Variants in SLC5A10 observed in about 807,000 individuals in gnomAD.
SLC5A10 encodes solute carrier family 5 member 10.
Under a neutral mutation model 68.9 loss-of-function variants are expected in SLC5A10, and 55 were observed. The ratio of observed to expected loss-of-function variants is 0.80; its 90% confidence interval spans 0.64 to 1.00. The LOEUF (loss-of-function observed/expected upper bound fraction) is 1.00. SLC5A10 is among the 50% of genes least tolerant of loss of function. The pLI is 0.00. For synonymous variants in SLC5A10, 344 were observed against 344.8 expected, an observed-to-expected ratio of 1.00 and a Z score of 0.02; for missense variants, 732 against 819.3, an observed-to-expected ratio of 0.89 and a Z score of 1.30.
chr17:19,020,285 T>G (rs1252901742), intron 14 of SLC5A10, 40 bp from the exon 15 acceptor site: 1 of 1,613,540 alleles, frequency 6.2e-7, no homozygotes, highest in Non-Finnish European at 8.5e-7. Flanking sequence ...TGTAACCTTG[T>G]GTCCTTCATC....
intron 8 of SLC5A10, among the ~76,000 whole-genome samples, chr17:18,973,884 G>T (rs868536893): frequency 1.0e-4 from 10 of 95,720 alleles, no homozygotes; most frequent in East Asian, 9.4e-4. Flanking sequence ...TTTTTTTTAA[G>T]TTTTTTTTTT....
intron 9 of SLC5A10, among the ~76,000 whole-genome samples, chr17:18,984,763 C>T (rs2043227681): frequency 6.6e-6 from 1 of 152,240 alleles, no homozygotes; most frequent in Non-Finnish European, 1.5e-5. Flanking sequence ...CAAAAGCAGC[C>T]AAGTCATGCG....
chr17:19,009,349 G>T (rs1054870806), intron 9 of SLC5A10, among the ~76,000 whole-genome samples: 5 of 149,966 alleles, frequency 3.3e-5, no homozygotes, highest in Admixed American at 2.6e-4. Context: ...GAACCACCAC[G>T]CTAATTTTAA....
chr17:19,011,640 G>C (rs1012852044), intron 9 of SLC5A10, among the ~76,000 whole-genome samples: 3 of 151,996 alleles, frequency 2.0e-5, no homozygotes, highest in Non-Finnish European at 4.4e-5. Context: ...GGCCCCAGAC[G>C]GGAGGGGGAA....
chr17:18,969,944 G>GCTCA (rs1289540583), intron 7 of SLC5A10: 1 of 153,174 alleles, frequency 6.5e-6, no homozygotes, highest in Non-Finnish European at 1.5e-5. Context: ...GAGAGCGTGA[G>GCTCA]CTCACCGTCC....
At chr17:18,999,399 G>A (rs1272437586) in intron 9 of SLC5A10, among the ~76,000 whole-genome samples, 1 of 152,210 alleles carries the variant, frequency 6.6e-6, no homozygotes. Context: ...TGCTTCTCCA[G>A]GGAATGGGAG....
chr17:18,980,361 C>A (rs537399907), intron 9 of SLC5A10, among the ~76,000 whole-genome samples: 76 of 152,052 alleles, frequency 5.0e-4, no homozygotes, highest in Non-Finnish European at 9.9e-4. Context: ...ACTGTTTGGC[C>A]CAGGAGCAGG....
intron 10 of SLC5A10, 92 bp from the exon 11 acceptor site, chr17:19,014,953 TGGCG>T: frequency 6.9e-7 from 1 of 1,446,174 alleles, no homozygotes; most frequent in Non-Finnish European, 9.5e-7. Context: ...AGCATGCAAA[TGGCG>T]GGCGGGCCTC....
intron 5 of SLC5A10, among the ~76,000 whole-genome samples, chr17:18,961,683 C>T (rs886617601): frequency 6.6e-6 from 1 of 152,158 alleles, no homozygotes; most frequent in Non-Finnish European, 1.5e-5. Context: ...CCTCGCTGGT[C>T]AGCCAGGAGC....
At chr17:18,958,588 G>A (rs922676338) in intron 1 of SLC5A10, 94 bp from the exon 2 acceptor site, 11 of 1,043,988 alleles carry the variant, frequency 1.1e-5, no homozygotes, top group African/African-American at 3.1e-5. Flanking sequence ...GATTCTATGC[G>A]TAACCTTTTG....
rs2044265597 is a variant in SLC5A10, at chr17:19,021,616, G to A, written c.*1185G>A. Reference sequence around the variant, plus strand: ...GGGTTCCTTAGGTTGAGCCTCCAGTGGGTGAAACCTGGGAGTCCTCAACCT... The same window carrying A: ...GGGTTCCTTAGGTTGAGCCTCCAGTAGGTGAAACCTGGGAGTCCTCAACCT... On this transcript the variant is annotated 3_prime_UTR_variant, in exon 15 of 15. Transcript: ENST00000395645. This position sits in a 1 kb window ranked among gnomAD's most constrained non-coding sequence, Gnocchi z 4.1. The A allele has an allele frequency of 2.6e-6, 1 of 391,704 alleles. No homozygotes were observed. The highest frequency in any genetic ancestry group is 2.1e-5 in the African/African-American group (1 of 48,552). The allele number at this position is 391,704 out of a possible 1,614,324, so 24.3% of individuals were successfully genotyped here.
At chr17:18,985,238 T>A (rs1190667278) in intron 9 of SLC5A10, among the ~76,000 whole-genome samples, 1 of 152,192 alleles carries the variant, frequency 6.6e-6, no homozygotes, top group Non-Finnish European at 1.5e-5. Context: ...CCTTCACTCT[T>A]CACAGCACCC....
At position 18,988,653 on chromosome 17, in the gene SLC5A10, C is replaced by T. The variant is rs567269170; in HGVS notation, c.982+11664C>T. On this transcript the variant is annotated intron_variant, in intron 9 of 14. Coordinates refer to ENST00000395645, the MANE Select transcript of SLC5A10 (RefSeq NM_001042450.4). ...CCCAGGGGCCCTGTGTTGGTGCATTCCCAGGCCAGGGCCGGCTACGCTCTG... is the reference window on the plus strand; with the variant it reads ...CCCAGGGGCCCTGTGTTGGTGCATTTCCAGGCCAGGGCCGGCTACGCTCTG... Among the ~76,000 whole-genome samples, 8 of 152,370 alleles carry T rather than the reference C, an allele frequency of 5.3e-5. No individual in the cohort carries two copies. The South Asian group carries it at 1.7e-3, about 32-fold the overall frequency.
At position 18,971,871 on chromosome 17, in the gene SLC5A10, C is replaced by T; in HGVS notation, c.846+653C>T. On this transcript the variant is annotated intron_variant, in intron 8 of 14. Transcript: ENST00000395645. The surrounding 1 kb of genome is among the most constrained non-coding windows in gnomAD (Gnocchi z 5.5). ...GTTCGCCTCCTGGCTCTGCCATTCA[C>T]CAGGGAGTGGGCCTAGACCAGTTGG... 1.9e-6 allele frequency: 2 copies of T among 1,050,852 alleles called. No individual in the cohort carries two copies. Among genetic ancestry groups the T allele is most frequent in the South Asian group, 1.7e-5 (1 of 59,556 alleles). 65.1% of individuals were successfully genotyped at this position (1,050,852 alleles called of 1,614,324 possible).
At chr17:18,977,614 C>T (rs930936505) in intron 9 of SLC5A10, 13 of 1,609,328 alleles carry the variant, frequency 8.1e-6, no homozygotes, top group Non-Finnish European at 1.1e-5. Context: ...AGCGCTGGGC[C>T]TGCATCCTCT....
At position 19,003,699 on chromosome 17, in the gene SLC5A10, GC is replaced by G; in HGVS notation, c.983-9710del. 6.2e-7 allele frequency: 1 copy of G among 1,607,082 alleles called. No individual in the cohort carries two copies. The highest frequency in any genetic ancestry group is 8.5e-7 in the Non-Finnish European group (1 of 1,176,658). On this transcript the variant is annotated intron_variant, in intron 9 of 14. Transcript: ENST00000395645. The surrounding 1 kb of genome is among the most constrained non-coding windows in gnomAD (Gnocchi z 4.5). ...TTCTGGGGCCAGTACTCCAGGGAGG[GC>G]AGCGGCTCGGCCTCGATGGGGACCC...
At chr17:18,969,003 C>T (rs1330166817) in intron 5 of SLC5A10, 49 bp from the exon 6 acceptor site, 9 of 1,555,370 alleles carry the variant, frequency 5.8e-6, no homozygotes, top group Non-Finnish European at 7.8e-6. Flanking sequence ...GAGTGGCTTG[C>T]TGGAGCCCTG....
At chr17:18,987,883 G>A (rs1467689904) in intron 9 of SLC5A10, among the ~76,000 whole-genome samples, 3 of 152,212 alleles carry the variant, frequency 2.0e-5, no homozygotes, top group African/African-American at 7.2e-5. Context: ...GAAAGGCCAC[G>A]AGCTACCTGA....
intron 8 of SLC5A10, among the ~76,000 whole-genome samples, chr17:18,973,371 C>T (rs2042902890): frequency 6.6e-6 from 1 of 152,370 alleles, no homozygotes; most frequent in African/African-American, 2.4e-5. Context: ...GAGAGGATCA[C>T]ACAGGGAGGT....
Sources: allele counts gnomAD v4.1 joint callset (sites outside exome capture counted in the v4.1 genomes callset), GRCh38; gene constraint gnomAD v4.1.1; non-coding constraint Gnocchi (gnomAD v3.1); transcripts MANE v1.5; gene names NCBI Gene and HGNC (gene_info 2026-07-23, HGNC 2026-07-21).